Variants in DNTT observed in about 807,000 individuals in gnomAD.
DNTT encodes the protein nucleosidetriphosphate:DNA deoxynucleotidylexotransferase.
In DNTT, 47 loss-of-function variants were observed where a neutral mutation model predicts 60.9. The ratio of observed to expected loss-of-function variants is 0.77; its 90% CI spans 0.61 to 0.98. The LOEUF (loss-of-function observed/expected upper bound fraction) is 0.98, where lower values mean the gene tolerates loss of function less well. DNTT is among the 50% of genes least tolerant of loss of function. The pLI, the probability that DNTT is intolerant of heterozygous loss-of-function variation, is 0.00. For synonymous variants in DNTT, 224 were observed against 221.2 expected (o/e 1.01, Z -0.11); for missense variants, 665 against 627.5 (o/e 1.06, Z -0.64).
At position 96,332,609 on chromosome 10, in the gene DNTT, T is replaced by A; in HGVS notation, c.1359+13T>A. The A allele has an allele frequency of 6.2e-7, 1 of 1,612,510 alleles. No individual in the cohort carries two copies. The highest frequency in any genetic ancestry group is 2.2e-5 in the East Asian group (1 of 44,808). On this transcript the variant is annotated intron_variant, in intron 9 of 10. Transcript: ENST00000371174. Reference sequence around the variant, plus strand: ...GACTGGCTCCCGGGTAAGTGCTACATGGACCCATGGGATGATGTTAGCTTT... The same window carrying A: ...GACTGGCTCCCGGGTAAGTGCTACAAGGACCCATGGGATGATGTTAGCTTT...
chr10:96,327,800 T>C (rs185566865), intron 7 of DNTT, among the ~76,000 whole-genome samples, 200 bp downstream of exon 7: 1 of 152,344 alleles, frequency 6.6e-6, no homozygotes, highest in East Asian at 1.9e-4. Context: ...GTTTCTTGCC[T>C]GTTGCTTTGC....
At position 96,332,360 on chromosome 10, in the gene DNTT, T is replaced by C. The variant is rs1186776120; in HGVS notation, c.1123T>C (p.Leu375=). The C allele has an allele frequency of 8.1e-6, 13 of 1,613,604 alleles. No individual in the cohort carries two copies. Among genetic ancestry groups the C allele is most frequent in the Admixed American group, 1.7e-5 (1 of 59,956 alleles). ...TTCTGTTTCTTTTCAGGGATTACTT[T>C]TATATTATGACCTTGTGGAGTCAAC... ...MNLWEKKGLL[L]YYDLVESTFE... Residue 375 remains leucine, a synonymous_variant, in exon 9 of 11, where the codon TTA becomes CTA. Transcript: ENST00000371174.
intron 1 of DNTT, among the ~76,000 whole-genome samples, chr10:96,313,041 C>G (rs1376593593): frequency 2.0e-5 from 3 of 152,092 alleles, no homozygotes; most frequent in South Asian, 2.1e-4. Flanking sequence ...GACAGTCAAG[C>G]ACTAGTTGAA....
intron 1 of DNTT, among the ~76,000 whole-genome samples, chr10:96,315,231 CTTCT>C (rs1368504172): frequency 1.1e-4 from 3 of 26,458 alleles, no homozygotes; most frequent in Non-Finnish European, 1.5e-4. Flanking sequence ...AAGACCAATG[CTTCT>C]TTTTTTTTTT....
intron 8 of DNTT, 140 bp downstream of exon 8, chr10:96,328,970 G>A: frequency 1.2e-6 from 1 of 820,492 alleles, no homozygotes; most frequent in African/African-American, 1.7e-5. Context: ...AAAGCCATAT[G>A]ACCTACAATA....
chr10:96,307,705 G>GTATATATA (rs1203030676), intron 1 of DNTT, among the ~76,000 whole-genome samples: 1 of 52,882 alleles, frequency 1.9e-5, no homozygotes, highest in Non-Finnish European at 3.5e-5. Context: ...GTGTGTGTGT[G>GTATATATA]TATATATATA....
chr10:96,332,945 C>T (rs556769416), intron 9 of DNTT, among the ~76,000 whole-genome samples: 1 of 152,284 alleles, frequency 6.6e-6, no homozygotes, highest in South Asian at 2.1e-4. Context: ...CTAGGTGTTT[C>T]TGATGCAGCT....
chr10:96,328,979 T>C (rs942951468), intron 8 of DNTT, 149 bp downstream of exon 8: 13 of 769,552 alleles, frequency 1.7e-5, no homozygotes, highest in South Asian at 7.6e-5. Context: ...TGACCTACAA[T>C]AAGACTTTCC....
At chr10:96,328,943 T>C in intron 8 of DNTT, 113 bp downstream of exon 8, 2 of 1,100,274 alleles carry the variant, frequency 1.8e-6, no homozygotes, top group Admixed American at 2.5e-5. Flanking sequence ...TTCTCAATTA[T>C]TTGTGGCAGC....
chr10:96,336,111 T>C (rs145433443), intron 10 of DNTT, 137 bp downstream of exon 10: 2 of 835,882 alleles, frequency 2.4e-6, no homozygotes, highest in East Asian at 2.5e-5. Context: ...TTCATCATAG[T>C]TGAGGGCAGC....
In DNTT at chr10:96,320,794, G is replaced by A. The variant is rs763382301; in HGVS notation, c.678+6G>A. ...AGGTGAAGGGTATCATAGAGGTAAG[G>A]GTGAAATGGGATTTGTCCCACTTCC... is the stretch of plus-strand genomic sequence containing the variant. On this transcript the variant is annotated splice_donor_region_variant and intron_variant, in intron 4 of 10. Transcript: ENST00000371174. 1.2e-6 allele frequency: 2 copies of A among 1,612,936 alleles called. No individual in the cohort carries two copies. Among genetic ancestry groups the A allele is most frequent in the African/African-American group, 2.7e-5 (2 of 74,862 alleles).
At position 96,319,310 on chromosome 10, in the gene DNTT, C is replaced by A. The variant is rs2133988010; in HGVS notation, c.427C>A (p.Pro143Thr). ...CACCAACCCAGGCCCCCCGAAGACTCCACCAATTGCTGTACAAAAGATCTC... is the reference window on the plus strand; with the variant it reads ...CACCAACCCAGGCCCCCCGAAGACTACACCAATTGCTGTACAAAAGATCTC... The part of the protein sequence containing the change: ...DSTNPGPPKT[P>T]PIAVQKISQY... The change falls in exon 3 of 11, where the codon CCA becomes ACA. Residue 143 changes from proline (P) to threonine (T), a missense_variant. Physicochemically the swap from Pro to Thr is conservative, Grantham distance 38. Coordinates refer to ENST00000371174, the MANE Select transcript of DNTT (RefSeq NM_004088.4). The A allele has an allele frequency of 6.2e-7, 1 of 1,613,880 alleles. No homozygotes were observed. Among genetic ancestry groups the A allele is most frequent in the South Asian group, 1.1e-5 (1 of 91,050 alleles).
intron 1 of DNTT, among the ~76,000 whole-genome samples, chr10:96,314,401 C>CTTTTT: frequency 2.5e-5 from 1 of 39,846 alleles, no homozygotes; most frequent in East Asian, 4.2e-4. Flanking sequence ...CTATCTCTTC[C>CTTTTT]CTTTTTTTTT....
Position 96,315,288 on chromosome 10 carries a change from A to G in DNTT, c.204-3064A>G, listed in dbSNP as rs550307069. 4.6e-5 allele frequency among the ~76,000 whole-genome samples: 7 copies of G among 151,446 alleles called. No individual in the cohort carries two copies. The East Asian group carries it at 7.7e-4, about 17-fold the overall frequency. ...ACTATTTTGGTGATGTCAAATTACA[A>G]TTAAAGTTTCTAAATGCTGACTTAC... is the stretch of plus-strand genomic sequence containing the variant. On this transcript the variant is annotated intron_variant, in intron 1 of 10. Transcript: ENST00000371174.
intron 9 of DNTT, 60 bp from the exon 10 acceptor site, chr10:96,335,831 A>C: frequency 6.4e-7 from 1 of 1,564,862 alleles, no homozygotes. Context: ...GGATGTAGCC[A>C]CCTAATACTG....
intron 3 of DNTT, 117 bp downstream of exon 3, chr10:96,319,507 A>G: frequency 1.4e-6 from 2 of 1,431,836 alleles, no homozygotes; most frequent in Non-Finnish European, 1.9e-6. Context: ...CCTCCCACCT[A>G]CCTGCAGCCC....
chr10:96,315,820 G>A (rs1844779585), intron 1 of DNTT, among the ~76,000 whole-genome samples: 1 of 151,774 alleles, frequency 6.6e-6, no homozygotes, highest in African/African-American at 2.4e-5. Flanking sequence ...AATATAGATG[G>A]AATAACACTT....
chr10:96,304,453 G>A lies in DNTT; in HGVS notation c.-45G>A. The A allele has an allele frequency of 6.2e-7, 1 of 1,609,514 alleles. No homozygotes were observed. Among genetic ancestry groups the A allele is most frequent in the Non-Finnish European group, 8.5e-7 (1 of 1,178,310 alleles). ...GGTGGCAGTCTCCCTCCCTTCTGGA[G>A]ACACCACCAGATGGGCCAGCCAGAG... On this transcript the variant is annotated 5_prime_UTR_variant, in exon 1 of 11. Coordinates refer to ENST00000371174, the MANE Select transcript of DNTT (RefSeq NM_004088.4).
At chr10:96,308,685 AAG>A (rs531592771) in intron 1 of DNTT, among the ~76,000 whole-genome samples, 73 of 152,348 alleles carry the variant, frequency 4.8e-4, no homozygotes, top group South Asian at 1.0e-3. Context: ...TGAGTCTGAA[AAG>A]AGAGTCAGCA....
Sources: gnomAD v4.1 joint callset for allele counts (sites outside exome capture counted in the v4.1 genomes callset) on GRCh38, gnomAD v4.1.1 for gene constraint, MANE v1.5 for transcripts, NCBI Gene and HGNC (gene_info 2026-07-23, HGNC 2026-07-21) for gene names.